Variants in ENTPD5 observed in about 807,000 individuals in gnomAD.
ENTPD5 encodes nucleoside diphosphate phosphatase ENTPD5.
Under a neutral mutation model 60.2 loss-of-function variants are expected in ENTPD5, and 49 were observed. The observed-to-expected ratio is 0.81, with a 90% CI of 0.65 to 1.03. ENTPD5 has a LOEUF of 1.03. Ranked by LOEUF, ENTPD5 falls within the 50% of genes least tolerant of loss-of-function variation. The pLI is 0.00. For missense variants in ENTPD5, 480 were observed against 507.6 expected (o/e 0.95, Z 0.52); for synonymous variants, 187 against 185.4 (o/e 1.01, Z -0.07).
At chr14:73,961,501 A>AT (rs777443517), downstream of ENTPD5, 2 of 1,614,174 alleles carry the variant, frequency 1.2e-6, no homozygotes, top group Admixed American at 3.3e-5. Flanking sequence ...GGGTGTCAAC[A>AT]TGGGCTTTGG....
At chr14:73,985,249 A>G (rs1428390067) in intron 5 of ENTPD5, among the ~76,000 whole-genome samples, 3 of 152,330 alleles carry the variant, frequency 2.0e-5, no homozygotes, top group East Asian at 3.9e-4. Context: ...TCCTTTGGGT[A>G]TATACCGAGT....
chr14:73,956,012 T>C (rs542647092), downstream of ENTPD5: 8 of 1,584,546 alleles, frequency 5.0e-6, no homozygotes, highest in East Asian at 6.7e-5. Context: ...TTTTACAATA[T>C]TCAGTGTCCA....
At chr14:73,982,954 A>C in intron 6 of ENTPD5, 64 bp downstream of exon 6, 3 of 1,541,814 alleles carry the variant, frequency 1.9e-6, no homozygotes, top group Non-Finnish European at 2.6e-6. Flanking sequence ...AAAGGCTAAA[A>C]ACTCATAAAG....
downstream of ENTPD5, among the ~76,000 whole-genome samples, chr14:73,957,745 T>G (rs1171762967): frequency 1.3e-5 from 2 of 152,196 alleles, no homozygotes; most frequent in African/African-American, 2.4e-5. Flanking sequence ...AGCGTATTGT[T>G]TTTATGACCA....
rs1449383569 is a variant in ENTPD5 at position 73,975,925 on chromosome 14, C to T, written c.722+11G>A. 22 of 1,584,140 alleles carry T rather than the reference C, an allele frequency of 1.4e-5. No individual in the cohort carries two copies. In the Admixed American group the frequency reaches 3.6e-4, roughly 26 times the overall value. ...ACATGAAATATTCTTCTTCCCTGTCCCCGTCCTCACCTATGTGTATAGAGC... is the reference window on the plus strand; with the variant it reads ...ACATGAAATATTCTTCTTCCCTGTCTCCGTCCTCACCTATGTGTATAGAGC... On this transcript the variant is annotated intron_variant, in intron 10 of 15. Transcript: ENST00000334696.
intron 3 of ENTPD5, among the ~76,000 whole-genome samples, chr14:74,006,097 T>C (rs948183432): frequency 1.2e-4 from 18 of 151,970 alleles, no homozygotes; most frequent in Non-Finnish European, 2.1e-4. Flanking sequence ...CAAGAGATTC[T>C]CCTGCCTCAG....
intron 13 of ENTPD5, 83 bp from the exon 14 acceptor site, chr14:73,971,991 A>G: frequency 3.6e-6 from 3 of 835,074 alleles, no homozygotes; most frequent in Middle Eastern, 2.2e-4. Context: ...CATTATATAC[A>G]CATGTACATA....
At chr14:73,996,057 A>G in intron 3 of ENTPD5, 1 of 767,142 alleles carries the variant, frequency 1.3e-6, no homozygotes, top group East Asian at 1.3e-4. Context: ...TGTCCCCGGA[A>G]GCCTGAGAGA....
chr14:73,971,753 G>A, intron 14 of ENTPD5, 99 bp downstream of exon 14: 1 of 765,604 alleles, frequency 1.3e-6, no homozygotes, highest in Non-Finnish European at 2.3e-6. Context: ...CTTCTGATAG[G>A]CCTTCTGAGC....
chr14:73,996,516 A>C (rs1174590237), intron 3 of ENTPD5: 3 of 151,998 alleles, frequency 2.0e-5, no homozygotes, highest in Non-Finnish European at 2.9e-5. Context: ...AAAAAAAAAA[A>C]AAAAAACTTT....
rs114779062 is a variant in ENTPD5 at position 74,000,943 on chromosome 14, A to G, written c.-71+10148T>C. 3.9e-3 allele frequency among the ~76,000 whole-genome samples: 590 copies of G among 152,254 alleles called. 9 individuals are homozygous for G. Among genetic ancestry groups the G allele is most frequent in the African/African-American group, 0.013 (520 of 41,512 alleles). On this transcript the variant is annotated intron_variant, in intron 3 of 15. Transcript: ENST00000334696. ...TCATTTAAAAATTTCCTCAAGAGCC[A>G]TATGGAGTGGCACGTGACCATAGTC...
At chr14:73,973,845 G>T (rs756836290) in intron 12 of ENTPD5, 32 bp downstream of exon 12, 1 of 1,579,560 alleles carries the variant, frequency 6.3e-7, no homozygotes, top group Non-Finnish European at 8.7e-7. Flanking sequence ...CATTGTAAAC[G>T]TAACTTTAAC....
downstream of ENTPD5, chr14:73,955,921 T>C (rs769670166): frequency 6.2e-7 from 1 of 1,614,098 alleles, no homozygotes; most frequent in Non-Finnish European, 8.5e-7. Flanking sequence ...AGTTGGAGGC[T>C]GTGTCTGGTG....
At chr14:73,975,069 C>A in intron 10 of ENTPD5, 84 bp from the exon 11 acceptor site, 1 of 1,042,828 alleles carries the variant, frequency 9.6e-7, no homozygotes. Context: ...TAACATTGTT[C>A]CTGTGTCCCT....
chr14:73,977,386 G>GC lies in ENTPD5; in HGVS notation c.442-13_442-12insG. On this transcript the variant is annotated splice_polypyrimidine_tract_variant and intron_variant, in intron 6 of 15. Coordinates refer to ENST00000334696, the MANE Select transcript of ENTPD5 (RefSeq NM_001249.5). ...AAGATCTCCTTTACCTAGAGAAAAA[G>GC]GAAAAAAAAAAAAAAAGAATTCCCT... 2.4e-6 allele frequency: 3 copies of GC among 1,245,138 alleles called. No homozygotes were observed. The highest frequency in any genetic ancestry group is 1.1e-6 in the Non-Finnish European group (1 of 917,916). The allele number at this position is 1,245,138 out of a possible 1,614,324, so 77.1% of individuals were successfully genotyped here.
At chr14:73,961,698 T>C (rs1366815869), downstream of ENTPD5, 4 of 1,612,732 alleles carry the variant, frequency 2.5e-6, no homozygotes, top group Non-Finnish European at 3.4e-6. Context: ...GAAAACCTTA[T>C]TATTGGATTA....
chr14:73,961,155 G>A, downstream of ENTPD5: 1 of 1,611,842 alleles, frequency 6.2e-7, no homozygotes. Flanking sequence ...TGTTTGTCTT[G>A]TGGCTGATGC....
intron 3 of ENTPD5, among the ~76,000 whole-genome samples, chr14:73,993,656 C>CT (rs1438650365): frequency 6.6e-6 from 1 of 152,180 alleles, no homozygotes; most frequent in African/African-American, 2.4e-5. Flanking sequence ...TTCAGAGTCT[C>CT]TGAGTGTTAA....
intron 1 of ENTPD5, 72 bp from the exon 2 acceptor site, chr14:74,016,002 A>C (rs1224243407): frequency 2.6e-5 from 4 of 152,224 alleles, no homozygotes; most frequent in African/African-American, 9.6e-5. Context: ...TAAAAGCATT[A>C]GTGTTCTAAA....
Sources: gnomAD v4.1 joint callset for allele counts (sites outside exome capture counted in the v4.1 genomes callset) on GRCh38, gnomAD v4.1.1 for gene constraint, MANE v1.5 for transcripts, NCBI Gene and HGNC (gene_info 2026-07-23, HGNC 2026-07-21) for gene names.